Variants in UNK observed in about 807,000 individuals in gnomAD.
UNK encodes the protein unk zinc finger, also known as RING finger protein unkempt homolog.
UNK carries 32 observed loss-of-function variants against 97.6 expected under a neutral mutation model. That is an observed-to-expected ratio of 0.33 (90% confidence interval 0.25 to 0.44). UNK has a LOEUF of 0.44. Ranked by LOEUF, UNK falls within the 20% of genes least tolerant of loss-of-function variation. UNK has a pLI of 1.00. For missense variants in UNK, 771 were observed against 1,098.4 expected, an observed-to-expected ratio of 0.70 and a Z score of 4.21; for synonymous variants, 441 against 461.2, an observed-to-expected ratio of 0.96 and a Z score of 0.56.
intron 1 of UNK, chr17:75,793,996 G>GT (rs1211516461): frequency 1.0e-6 from 1 of 985,188 alleles, no homozygotes; most frequent in African/African-American, 1.7e-5. Context: ...CACTTTTACT[G>GT]TTAAGAGGTG....
At chr17:75,820,269 G>A (rs900810556) in intron 13 of UNK, among the ~76,000 whole-genome samples, 161 bp downstream of exon 13, 1 of 152,172 alleles carries the variant, frequency 6.6e-6, no homozygotes, top group Non-Finnish European at 1.5e-5. Context: ...TGTGACCCTG[G>A]ACAAGTGATT....
At chr17:75,809,615 A>G (rs2061950135) in intron 1 of UNK, 145 bp from the exon 2 acceptor site, 4 of 831,306 alleles carry the variant, frequency 4.8e-6, no homozygotes, top group Non-Finnish European at 7.4e-6. Context: ...GTGTAGCCTT[A>G]CAGCTCTGGG....
At chr17:75,807,079 G>A (rs1014246174) in intron 1 of UNK, among the ~76,000 whole-genome samples, 20 of 152,146 alleles carry the variant, frequency 1.3e-4, no homozygotes, top group Non-Finnish European at 2.4e-4. Flanking sequence ...CCCTGTCCTC[G>A]GGGACCTTTC....
Position 75,784,994 on chromosome 17 carries a change from GCCCCC to G in UNK, c.104+19_104+23del. The G allele has an allele frequency of 5.6e-6, 6 of 1,073,788 alleles. No individual in the cohort carries two copies. The highest frequency in any genetic ancestry group is 2.0e-5 in the South Asian group (1 of 50,930). The allele number at this position is 1,073,788 out of a possible 1,614,324, so 66.5% of individuals were successfully genotyped here. A position where few individuals can be genotyped will look rare whatever the true frequency, so the allele number is the denominator to read the frequency against. The stretch of plus-strand genomic sequence containing the variant: ...AACCGCAGCACTACACGTACGTAGA[GCCCCC>G]CCCCCCCCGCCGCGCGCGCACGCCT... On this transcript the variant is annotated intron_variant, in intron 1 of 15. Transcript: ENST00000589666.
At chr17:75,804,491 T>G (rs2061892222) in intron 1 of UNK, among the ~76,000 whole-genome samples, 1 of 151,730 alleles carries the variant, frequency 6.6e-6, no homozygotes, top group South Asian at 2.1e-4. Context: ...TCTGCGCAAC[T>G]GAGTTTATGC....
Position 75,812,586 on chromosome 17 carries a change from G to A in UNK, c.622+1G>A. 2 of 1,612,712 alleles carry A rather than the reference G, an allele frequency of 1.2e-6. No homozygotes were observed. Among genetic ancestry groups the A allele is most frequent in the Non-Finnish European group, 1.7e-6 (2 of 1,179,676 alleles). On this transcript the variant is annotated splice_donor_variant, in intron 4 of 15. Coordinates refer to ENST00000589666, the MANE Select transcript of UNK (RefSeq NM_001080419.3). LOFTEE classifies it high-confidence loss of function. ...CTCAGCGAGGAGCCTCGGTGGCAAG[G>A]TACAGGCATCCACACCTCGGCCGCG...
intron 1 of UNK, among the ~76,000 whole-genome samples, chr17:75,806,747 C>T (rs2061922104): frequency 6.6e-6 from 1 of 151,876 alleles, no homozygotes; most frequent in Admixed American, 6.6e-5. Context: ...CACTCTAGCC[C>T]AGGCAACAGT....
Position 75,816,791 on chromosome 17 carries a change from T to C in UNK, c.983T>C (p.Leu328Pro), listed in dbSNP as rs1212906856. 6.2e-7 allele frequency: 1 copy of C among 1,604,864 alleles called. No individual in the cohort carries two copies. Among genetic ancestry groups the C allele is most frequent in the East Asian group, 2.2e-5 (1 of 44,862 alleles). Residue 328 changes from leucine (L) to proline (P), a missense_variant, in exon 8 of 16, where the codon CTG (leucine) becomes CCG (proline). Around this residue, in one of 5 missense-constraint regions of UNK, gnomAD observed 192 missense variants for 202.4 expected, o/e 0.95. Transcript: ENST00000589666. The surrounding 1 kb of genome is among the most constrained non-coding windows in gnomAD (Gnocchi z 4.0). ...GCAGAGCCACCCCTGAGTGACGACC[T>C]GCAGCCTTCCTCAGCTGTGTCCAGC... is the stretch of plus-strand genomic sequence containing the variant. ...HVEQPPLSDDLQPSSAVSSPT... is the reference protein window; with the variant it reads ...HVEQPPLSDDPQPSSAVSSPT...
At position 75,819,764 on chromosome 17, in the gene UNK, C is replaced by T; in HGVS notation, c.1627C>T (p.His543Tyr). 3 of 1,613,884 alleles carry T rather than the reference C, an allele frequency of 1.9e-6. No individual in the cohort carries two copies. Among genetic ancestry groups the T allele is most frequent in the Non-Finnish European group, 2.5e-6 (3 of 1,179,900 alleles). Residue 543 changes from histidine to tyrosine, a missense_variant, in exon 12 of 16, where the codon CAC becomes TAC. This residue lies in a region of UNK where 91 missense variants were observed against 173.1 expected (regional missense o/e 0.53). Transcript: ENST00000589666. This position sits in a 1 kb window ranked among gnomAD's most constrained non-coding sequence, Gnocchi z 5.4. ...EKTFDNSTVP[H>Y]PGSITIGGSL... is the part of the protein sequence containing the mutation. ...GACTTTCGATAACAGCACAGTGCCC[C>T]ACCCAGGAAGCATCACCATCGGTAC...
chr17:75,805,769 G>T (rs2061907016), intron 1 of UNK, among the ~76,000 whole-genome samples: 1 of 151,980 alleles, frequency 6.6e-6, no homozygotes, highest in Admixed American at 6.6e-5. Flanking sequence ...CTGCACTCCA[G>T]CCTGGGCAAC....
rs752840000 is a variant in UNK, at chr17:75,809,935, G to A, written c.280G>A (p.Asp94Asn). ...CCCTGACGTCTACTGCACCAAGTAC[G>A]ACGAGGCTACAGGCCTCTGCCCGGA... ...YSPDVYCTKYDEATGLCPEGD... is the reference protein window; with the variant it reads ...YSPDVYCTKYNEATGLCPEGD... Residue 94 changes from aspartate to asparagine, a missense_variant, in exon 2 of 16, where the codon GAC becomes AAC. By Grantham distance (23) the Asp-to-Asn change is conservative. Transcript: ENST00000589666. The A allele has an allele frequency of 5.6e-6, 9 of 1,613,576 alleles. No homozygotes were observed. In the Admixed American group the frequency reaches 6.7e-5, roughly 12 times the overall value.
chr17:75,808,259 CAG>C (rs2061936688), intron 1 of UNK, among the ~76,000 whole-genome samples: 1 of 152,170 alleles, frequency 6.6e-6, no homozygotes, highest in Non-Finnish European at 1.5e-5. Flanking sequence ...TTTGTCTAAC[CAG>C]ACAGTAAAGG....
chr17:75,789,449 G>T (rs1237813767), intron 1 of UNK, among the ~76,000 whole-genome samples: 3 of 151,786 alleles, frequency 2.0e-5, no homozygotes, highest in Admixed American at 6.6e-5. Flanking sequence ...GCATTCTTCT[G>T]CCTCAGCCTC....
chr17:75,797,744 G>C (rs2061819831), intron 1 of UNK, among the ~76,000 whole-genome samples: 3 of 152,156 alleles, frequency 2.0e-5, no homozygotes, highest in Admixed American at 1.3e-4. Context: ...GCTCCATCTT[G>C]AAAACTCATG....
chr17:75,802,242 C>T (rs1227913830), intron 1 of UNK, among the ~76,000 whole-genome samples: 3 of 47,212 alleles, frequency 6.4e-5, no homozygotes, highest in African/African-American at 2.7e-4. Flanking sequence ...GCACAGATGT[C>T]TTTTTTTTTT....
intron 1 of UNK, chr17:75,785,268 C>A (rs1940712688): frequency 2.6e-6 from 1 of 390,194 alleles, no homozygotes; most frequent in African/African-American, 2.1e-5. Flanking sequence ...CCTTCGAGGC[C>A]TAACTGTTCC....
chr17:75,819,133 C>A lies in UNK; in HGVS notation c.1546+317C>A. The A allele has an allele frequency of 3.2e-6, 1 of 308,118 alleles. No individual in the cohort carries two copies. The highest frequency in any genetic ancestry group is 5.9e-6 in the Non-Finnish European group (1 of 168,262). 19.1% of individuals were successfully genotyped at this position (308,118 alleles called of 1,614,324 possible). A position where few individuals can be genotyped will look rare whatever the true frequency, so the allele number is the denominator to read the frequency against. On this transcript the variant is annotated intron_variant, in intron 11 of 15. Coordinates refer to ENST00000589666, the MANE Select transcript of UNK (RefSeq NM_001080419.3). This position sits in a 1 kb window ranked among gnomAD's most constrained non-coding sequence, Gnocchi z 5.4. Reference sequence around the variant, plus strand: ...GTGTCCTTGTGTAGTGAATGGCCAGCACGACGTTCTCAGAATCCCTGGTGC... The same window carrying A: ...GTGTCCTTGTGTAGTGAATGGCCAGAACGACGTTCTCAGAATCCCTGGTGC...
chr17:75,821,414 C>T (rs560334568), intron 13 of UNK: 4 of 454,888 alleles, frequency 8.8e-6, no homozygotes, highest in Admixed American at 2.4e-5. Context: ...ACCTGGACAG[C>T]AGAGTCAGGA....
chr17:75,788,121 A>G (rs2061730061), intron 1 of UNK, among the ~76,000 whole-genome samples: 1 of 152,068 alleles, frequency 6.6e-6, no homozygotes, highest in South Asian at 2.1e-4. Flanking sequence ...AATTGATCCC[A>G]TTTTGAATAC....
Sources: gnomAD v4.1 joint callset for allele counts (sites outside exome capture counted in the v4.1 genomes callset) on GRCh38, gnomAD v4.1.1 for gene constraint, gnomAD v4.1.1 regional missense constraint, Gnocchi (gnomAD v3.1) non-coding constraint, MANE v1.5 for transcripts, NCBI Gene and HGNC (gene_info 2026-07-23, HGNC 2026-07-21) for gene names.